Variants in LRBA observed in about 807,000 individuals in gnomAD.
LRBA encodes the protein LPS responsive beige-like anchor protein.
Under a neutral mutation model 330.0 loss-of-function variants are expected in LRBA, and 176 were observed. The ratio of observed to expected loss-of-function variants is 0.53; its 90% CI spans 0.47 to 0.60. The LOEUF is 0.60. Among genes scored for constraint, LRBA ranks in the 20% least tolerant of loss-of-function variants. The pLI is 0.00. For synonymous variants in LRBA, 1,230 were observed against 1,193.0 expected, an observed-to-expected ratio of 1.03 and a Z score of -0.64; for missense variants, 3,259 against 3,444.8, an observed-to-expected ratio of 0.95 and a Z score of 1.35.
intron 31 of LRBA, among the ~76,000 whole-genome samples, chr4:150,816,124 T>C (rs541910842): frequency 1.3e-5 from 2 of 152,048 alleles, no homozygotes; most frequent in African/African-American, 4.8e-5. Context: ...CTCCAAGATA[T>C]GCTAATTTGC....
intron 26 of LRBA, 50 bp downstream of exon 26, chr4:150,848,768 T>A: frequency 7.1e-7 from 1 of 1,412,570 alleles, no homozygotes; most frequent in South Asian, 1.3e-5. Context: ...CATCTCTGAA[T>A]TACTGAAAAA....
chr4:150,455,017 C>A (rs367616818), intron 44 of LRBA, among the ~76,000 whole-genome samples: 7 of 150,192 alleles, frequency 4.7e-5, no homozygotes, highest in African/African-American at 1.7e-4. Flanking sequence ...GGTACATGTG[C>A]ACATTGTGCA....
At chr4:150,769,647 C>T (rs943696880) in intron 34 of LRBA, among the ~76,000 whole-genome samples, 5 of 152,142 alleles carry the variant, frequency 3.3e-5, no homozygotes, top group Non-Finnish European at 7.3e-5. Context: ...GGAGGGCAAT[C>T]TTTTTTACTC....
rs1011539509 is a variant in LRBA at position 150,966,625 on chromosome 4, C to T, written c.217-37560G>A. ...ACAGGCGTGAGCCACCGCGCCCGGC[C>T]GCTAGTTCATTCTTAATTATTCAAA... On this transcript the variant is annotated intron_variant, in intron 2 of 56. Transcript: ENST00000651943. 4.6e-5 allele frequency among the ~76,000 whole-genome samples: 7 copies of T among 151,954 alleles called. No homozygotes were observed. In the South Asian group the frequency reaches 8.3e-4, roughly 18 times the overall value.
chr4:150,481,018 C>T (rs746341027), intron 42 of LRBA, among the ~76,000 whole-genome samples: 1 of 152,130 alleles, frequency 6.6e-6, no homozygotes. Context: ...CCTCGAGTAT[C>T]CACTGTTCTA....
intron 37 of LRBA, among the ~76,000 whole-genome samples, chr4:150,673,798 G>C (rs1782288904): frequency 6.6e-6 from 1 of 151,948 alleles, no homozygotes; most frequent in Non-Finnish European, 1.5e-5. Context: ...TTTTAATCCG[G>C]GTCCAATCAT....
rs568278591 is a variant in LRBA, at chr4:150,653,847, T to A, written c.5921+29704A>T. ...GGTCATAACTGTATTTCAGCATGTATCAGGAATTCATTCCGTATTTTTTCA... is the reference window on the plus strand; with the variant it reads ...GGTCATAACTGTATTTCAGCATGTAACAGGAATTCATTCCGTATTTTTTCA... On this transcript the variant is annotated intron_variant, in intron 37 of 56. Transcript: ENST00000651943. Among the ~76,000 whole-genome samples the A allele has an allele frequency of 3.3e-5, 5 of 152,314 alleles. No homozygotes were observed. The East Asian group carries it at 9.6e-4, about 29-fold the overall frequency.
At chr4:150,365,095 G>A (rs558470156) in intron 47 of LRBA, among the ~76,000 whole-genome samples, 7 of 151,960 alleles carry the variant, frequency 4.6e-5, no homozygotes, top group South Asian at 2.1e-4. Flanking sequence ...CTGCAGCCTC[G>A]ACCTCCTGAG....
At chr4:150,914,389 C>T (rs1211654711) in intron 8 of LRBA, 48 bp from the exon 9 acceptor site, 16 of 1,333,134 alleles carry the variant, frequency 1.2e-5, no homozygotes, top group Non-Finnish European at 1.6e-5. Flanking sequence ...AAAAAAAACT[C>T]CAGAAATAAT....
At chr4:150,986,971 A>AC (rs919273293) in intron 2 of LRBA, among the ~76,000 whole-genome samples, 1 of 152,180 alleles carries the variant, frequency 6.6e-6, no homozygotes, top group Non-Finnish European at 1.5e-5. Context: ...CCAACAATAT[A>AC]CCCTCTGGGG....
chr4:150,454,483 C>T (rs995860989), intron 44 of LRBA, among the ~76,000 whole-genome samples: 1 of 151,936 alleles, frequency 6.6e-6, no homozygotes, highest in Non-Finnish European at 1.5e-5. Flanking sequence ...GTATTTCAGA[C>T]AGGTAACACT....
At chr4:150,866,703 G>A (rs1414119708) in intron 22 of LRBA, among the ~76,000 whole-genome samples, 1 of 152,040 alleles carries the variant, frequency 6.6e-6, no homozygotes, top group Non-Finnish European at 1.5e-5. Context: ...AAATGTATAC[G>A]AAAATGCTAA....
At chr4:150,552,085 T>C (rs371106548) in intron 40 of LRBA, among the ~76,000 whole-genome samples, 16 of 152,048 alleles carry the variant, frequency 1.1e-4, no homozygotes, top group African/African-American at 3.6e-4. Context: ...CGCACCCCTA[T>C]GAAAATCTAA....
chr4:150,648,641 A>C (rs542297514), intron 37 of LRBA, among the ~76,000 whole-genome samples: 8 of 152,152 alleles, frequency 5.3e-5, no homozygotes, highest in African/African-American at 1.4e-4. Flanking sequence ...ATGCTAAAAC[A>C]GGAGTCTCTT....
At chr4:150,838,367 A>G (rs1405862238) in intron 28 of LRBA, among the ~76,000 whole-genome samples, 1 of 152,142 alleles carries the variant, frequency 6.6e-6, no homozygotes, top group African/African-American at 2.4e-5. Context: ...GTCCTCCTGG[A>G]TAATATACTG....
At chr4:150,372,481 G>A (rs992063228) in intron 47 of LRBA, among the ~76,000 whole-genome samples, 1 of 147,000 alleles carries the variant, frequency 6.8e-6, no homozygotes, top group African/African-American at 2.5e-5. Flanking sequence ...CACGCTTGTG[G>A]TTCCAGCTAG....
chr4:150,947,128 A>G (rs1239366890), intron 2 of LRBA, among the ~76,000 whole-genome samples: 2 of 151,760 alleles, frequency 1.3e-5, no homozygotes, highest in African/African-American at 4.8e-5. Context: ...TCTCTGGAGA[A>G]TTCTTCTAAA....
chr4:150,770,608 CAA>C (rs1382480169), intron 34 of LRBA, among the ~76,000 whole-genome samples: 7 of 148,054 alleles, frequency 4.7e-5, no homozygotes, highest in Non-Finnish European at 9.0e-5. Flanking sequence ...CACACACACA[CAA>C]ACACATATAC....
intron 42 of LRBA, among the ~76,000 whole-genome samples, chr4:150,475,038 T>G (rs906194297): frequency 6.6e-6 from 1 of 152,208 alleles, no homozygotes; most frequent in Admixed American, 6.5e-5. Context: ...TCTGAAATGA[T>G]AGTAAGCTTT....
Sources: allele counts gnomAD v4.1 joint callset (sites outside exome capture counted in the v4.1 genomes callset), GRCh38; gene constraint gnomAD v4.1.1; transcripts MANE v1.5; gene names NCBI Gene and HGNC (gene_info 2026-07-23, HGNC 2026-07-21).